RYR3: variants seen among roughly 807,000 people sequenced by gnomAD.
RYR3 encodes the protein brain ryanodine receptor-calcium release channel.
Under a neutral mutation model 584.3 loss-of-function variants are expected in RYR3, and 207 were observed. The observed-to-expected ratio is 0.35, with a 90% CI of 0.32 to 0.40. The LOEUF is 0.40. RYR3 is among the 10% of genes least tolerant of loss of function. The pLI is 1.00. For synonymous variants in RYR3, 2,416 were observed against 2,248.5 expected (o/e 1.07, Z -2.11); for missense variants, 5,616 against 6,089.2 (o/e 0.92, Z 2.59).
intron 32 of RYR3, among the ~76,000 whole-genome samples, chr15:33,658,112 C>T (rs2062928198): frequency 6.6e-6 from 1 of 152,226 alleles, no homozygotes; most frequent in Non-Finnish European, 1.5e-5. Flanking sequence ...TTCTATGGAT[C>T]AGGAGTCTGG....
intron 10 of RYR3, 31 bp from the exon 11 acceptor site, chr15:33,562,806 C>T (rs1208988552): frequency 9.0e-6 from 14 of 1,548,670 alleles, no homozygotes; most frequent in Non-Finnish European, 1.2e-5. Context: ...TCAGCTATGC[C>T]TATGTTTGTT....
At chr15:33,756,421 A>G (rs1341441443) in intron 59 of RYR3, 48 bp downstream of exon 59, 1 of 1,349,072 alleles carries the variant, frequency 7.4e-7, no homozygotes, top group Non-Finnish European at 1.0e-6. Flanking sequence ...TAGGATCTCT[A>G]CTATTTAGGA....
At chr15:33,387,897 G>C (rs570963963) in intron 1 of RYR3, among the ~76,000 whole-genome samples, 31 of 152,184 alleles carry the variant, frequency 2.0e-4, no homozygotes, top group African/African-American at 7.5e-4. Context: ...ATAAGTTATA[G>C]AGAATAAGTC....
chr15:33,394,234 A>G (rs1375416971), intron 1 of RYR3, among the ~76,000 whole-genome samples: 1 of 152,238 alleles, frequency 6.6e-6, no homozygotes, highest in East Asian at 1.9e-4. Flanking sequence ...TTGTAGTGGC[A>G]TGGTGCCAAC....
At chr15:33,728,720 G>T in intron 46 of RYR3, 137 bp from the exon 47 acceptor site, 2 of 777,594 alleles carry the variant, frequency 2.6e-6, no homozygotes, top group African/African-American at 3.6e-5. Flanking sequence ...TTTTGGATTT[G>T]AGATGCTCAA....
intron 77 of RYR3, among the ~76,000 whole-genome samples, 164 bp downstream of exon 77, chr15:33,819,971 C>A (rs976430921): frequency 3.3e-5 from 5 of 152,150 alleles, no homozygotes; most frequent in Admixed American, 2.0e-4. Flanking sequence ...ATTAGTAAAC[C>A]AATTCACCGT....
Position 33,706,999 on chromosome 15 carries a change from C to T in RYR3, c.6564C>T (p.Asn2188=), listed in dbSNP as rs1310195561. Reference sequence around the variant, plus strand: ...AAGGATACCCTGATGTCGGCTGGAACCCCATTGAAGGGGAACGCTACCTGT... The same window carrying T: ...AAGGATACCCTGATGTCGGCTGGAATCCCATTGAAGGGGAACGCTACCTGT... ...LAKGYPDVGW[N]PIEGERYLSF... Residue 2188 remains asparagine (N), a synonymous_variant, in exon 43 of 104, where the codon AAC becomes AAT. Coordinates refer to ENST00000634891, the MANE Select transcript of RYR3 (RefSeq NM_001036.6). 2 of 1,613,810 alleles carry T rather than the reference C, an allele frequency of 1.2e-6. No homozygotes were observed. Among genetic ancestry groups the T allele is most frequent in the Non-Finnish European group, 1.7e-6 (2 of 1,179,946 alleles).
chr15:33,826,401 A>T (rs2077382692), intron 83 of RYR3, 132 bp downstream of exon 83: 1 of 932,126 alleles, frequency 1.1e-6, no homozygotes. Context: ...TTGGTACTTA[A>T]TTAAAGAAGT....
At chr15:33,500,920 T>C (rs113428575) in intron 2 of RYR3, among the ~76,000 whole-genome samples, 3 of 152,294 alleles carry the variant, frequency 2.0e-5, no homozygotes, top group African/African-American at 7.2e-5. Context: ...GTTTTGTTTT[T>C]CTCCAGACAT....
intron 1 of RYR3, among the ~76,000 whole-genome samples, chr15:33,449,397 C>T (rs777827969): frequency 6.6e-6 from 1 of 152,150 alleles, no homozygotes; most frequent in Non-Finnish European, 1.5e-5. Context: ...CTCACAGTCT[C>T]CTTGTAACAT....
chr15:33,519,588 A>G (rs1364042998), intron 3 of RYR3, among the ~76,000 whole-genome samples: 1 of 151,710 alleles, frequency 6.6e-6, no homozygotes, highest in Non-Finnish European at 1.5e-5. Flanking sequence ...AGGCCCACCA[A>G]ATTGGAATCT....
At position 33,353,856 on chromosome 15, in the gene RYR3, C is replaced by A. The variant is rs562149195; in HGVS notation, c.51+42760C>A. 2.9e-3 allele frequency among the ~76,000 whole-genome samples: 443 copies of A among 152,098 alleles called. 2 individuals are homozygous for A. The highest frequency in any genetic ancestry group is 5.4e-3 in the South Asian group (26 of 4,802). Reference sequence around the variant, plus strand: ...ATAACACATCCCATCCTTTGTAACACCTATGTGAAAGAAAATTCTTTATGG... The same window carrying A: ...ATAACACATCCCATCCTTTGTAACAACTATGTGAAAGAAAATTCTTTATGG... On this transcript the variant is annotated intron_variant, in intron 1 of 103. Transcript: ENST00000634891.
rs781218449 is a variant in RYR3 at position 33,696,198 on chromosome 15, C to G, written c.5861-20C>G. On this transcript the variant is annotated intron_variant, in intron 38 of 103. Transcript: ENST00000634891. ...GAGCCATGACAGCCACAGTCCTGCT[C>G]CCTCCTGTTGTCCTTCCAGCAACAT... 3 of 1,607,916 alleles carry G rather than the reference C, an allele frequency of 1.9e-6. No individual in the cohort carries two copies. In the African/African-American group the frequency reaches 4.0e-5, roughly 22 times the overall value.
chr15:33,551,042 C>A (rs12908774), intron 10 of RYR3, among the ~76,000 whole-genome samples: 1 of 151,984 alleles, frequency 6.6e-6, no homozygotes, highest in Non-Finnish European at 1.5e-5. Flanking sequence ...TTTTAGAAAC[C>A]GCCTCCTTTA....
intron 8 of RYR3, among the ~76,000 whole-genome samples, chr15:33,544,281 A>C (rs1405706612): frequency 6.6e-6 from 1 of 152,000 alleles, no homozygotes; most frequent in African/African-American, 2.4e-5. Flanking sequence ...TTTTTTGGGT[A>C]TTCTATCATC....
At chr15:33,420,318 G>C (rs754940052) in intron 1 of RYR3, among the ~76,000 whole-genome samples, 1 of 152,158 alleles carries the variant, frequency 6.6e-6, no homozygotes, top group South Asian at 2.1e-4. Context: ...AATGTCAGGG[G>C]TTTGAGTGTT....
intron 18 of RYR3, among the ~76,000 whole-genome samples, chr15:33,610,446 T>C (rs2060124038): frequency 6.6e-6 from 1 of 152,204 alleles, no homozygotes. Flanking sequence ...GAGTTGGGTC[T>C]TCTGTCTTTG....
At chr15:33,315,262 T>G (rs1967997104) in intron 1 of RYR3, among the ~76,000 whole-genome samples, 1 of 152,186 alleles carries the variant, frequency 6.6e-6, no homozygotes, top group African/African-American at 2.4e-5. Flanking sequence ...GACAGTGAAC[T>G]TGTACCTGGT....
chr15:33,864,869 G>GCAAA (rs907230651), intron 103 of RYR3: 2 of 427,122 alleles, frequency 4.7e-6, no homozygotes, highest in Non-Finnish European at 8.3e-6. Flanking sequence ...ATGTTTAGTG[G>GCAAA]CAAACATTGA....
Sources: gnomAD v4.1 joint callset for allele counts (sites outside exome capture counted in the v4.1 genomes callset) on GRCh38, gnomAD v4.1.1 for gene constraint, MANE v1.5 for transcripts, NCBI Gene and HGNC (gene_info 2026-07-23, HGNC 2026-07-21) for gene names.